The following RAI1 variants were observed in gnomAD, a reference collection of about 807,000 sequenced individuals.
RAI1 encodes retinoic acid induced 1.
In RAI1, 9 loss-of-function variants were observed where a neutral mutation model predicts 123.8. That is an observed-to-expected ratio of 0.07 (90% CI 0.04 to 0.13). The LOEUF is 0.13. Ranked by LOEUF, RAI1 falls within the 10% of genes least tolerant of loss-of-function variation. The pLI is 1.00. For synonymous variants in RAI1, 1,231 were observed against 1,127.3 expected (o/e 1.09, Z -1.84); for missense variants, 2,256 against 2,545.8 (o/e 0.89, Z 2.45).
chr17:17,708,625 T>C lies in RAI1; in HGVS notation c.-148-15403T>C, dbSNP rs1915467244. Among the ~76,000 whole-genome samples the C allele has an allele frequency of 1.3e-5, 2 of 152,126 alleles. 1 individual carries two copies. The highest frequency in any genetic ancestry group is 4.1e-4 in the South Asian group (2 of 4,828). On this transcript the variant is annotated intron_variant, in intron 1 of 5. Coordinates refer to ENST00000353383, the MANE Select transcript of RAI1 (RefSeq NM_030665.4). ...TCTTAGGGGTCCCCTGGGTTGCATCTTGACTCAGTGAGTGAGTGGGTTACT... is the reference window on the plus strand; with the variant it reads ...TCTTAGGGGTCCCCTGGGTTGCATCCTGACTCAGTGAGTGAGTGGGTTACT...
At chr17:17,779,093 AAGAG>A in intron 2 of RAI1, 1 of 353,694 alleles carries the variant, frequency 2.8e-6, no homozygotes, top group Non-Finnish European at 5.6e-6. Context: ...GGCTGTTCCA[AAGAG>A]AGAGAAATCA....
At chr17:17,726,459 C>T (rs1002282967) in intron 2 of RAI1, among the ~76,000 whole-genome samples, 4 of 152,242 alleles carry the variant, frequency 2.6e-5, no homozygotes, top group Non-Finnish European at 5.9e-5. Flanking sequence ...TATGGCACAA[C>T]CCCCTTATTT....
rs571248711 is a variant in RAI1, at chr17:17,730,966, C to T, written c.-17+6807C>T. On this transcript the variant is annotated intron_variant, in intron 2 of 5. Coordinates refer to ENST00000353383, the MANE Select transcript of RAI1 (RefSeq NM_030665.4). ...CCTTGGGCTAGAGTCCCTGAGTGGC[C>T]GAGAGAGAGCCCTTTCTAGGAAGCA... 1.6e-4 allele frequency among the ~76,000 whole-genome samples: 25 copies of T among 152,280 alleles called. 1 individual carries two copies. The South Asian group carries it at 2.9e-3, about 18-fold the overall frequency.
chr17:17,702,261 G>T (rs1915247292), intron 1 of RAI1, among the ~76,000 whole-genome samples: 1 of 152,196 alleles, frequency 6.6e-6, no homozygotes, highest in African/African-American at 2.4e-5. Context: ...GTCCTCTGTT[G>T]CCTAGCAACC....
rs1313576382 is a variant in RAI1 at position 17,811,194 on chromosome 17, A to G, written c.*1213A>G. 1 of 326,848 alleles carries G rather than the reference A, an allele frequency of 3.1e-6. No individual in the cohort carries two copies. The highest frequency in any genetic ancestry group is 9.2e-5 in the East Asian group (1 of 10,908). 20.2% of individuals were successfully genotyped at this position (326,848 alleles called of 1,614,324 possible). A position where few individuals can be genotyped will look rare whatever the true frequency, so the allele number is the denominator to read the frequency against. ...CAACTTCCTGTACATATGACTGTAA[A>G]ATGGTAAACGTGTGTATTATATCTG... is the stretch of plus-strand genomic sequence containing the variant. On this transcript the variant is annotated 3_prime_UTR_variant, in exon 6 of 6. Transcript: ENST00000353383.
intron 1 of RAI1, among the ~76,000 whole-genome samples, chr17:17,699,882 G>A (rs1374793614): frequency 6.6e-6 from 1 of 152,032 alleles, no homozygotes; most frequent in African/African-American, 2.4e-5. Flanking sequence ...TCCTAGTTAT[G>A]AGCCCAGCCT....
intron 1 of RAI1, among the ~76,000 whole-genome samples, chr17:17,702,219 T>C (rs1326439919): frequency 1.3e-5 from 2 of 152,138 alleles, no homozygotes; most frequent in South Asian, 2.1e-4. Context: ...CTCCAAAGTG[T>C]GGAGGCATGA....
intron 4 of RAI1, among the ~76,000 whole-genome samples, chr17:17,804,435 C>T (rs575126539): frequency 5.3e-5 from 8 of 152,306 alleles, no homozygotes; most frequent in African/African-American, 1.7e-4. Flanking sequence ...TTGTTGAGCC[C>T]CTACCATCAC....
intron 2 of RAI1, among the ~76,000 whole-genome samples, chr17:17,736,339 T>A (rs1916432610): frequency 6.6e-6 from 1 of 152,184 alleles, no homozygotes. Context: ...TGACCATTCA[T>A]GCTCTCCCTC....
In RAI1 at chr17:17,709,787, C is replaced by T. The variant is rs184339879; in HGVS notation, c.-148-14241C>T. ...CCTTAAGGGGCCCCCAGATCAGCTC[C>T]GTGCGGGCCTGGGGTGCAGCTTCCA... is the stretch of plus-strand genomic sequence containing the variant. On this transcript the variant is annotated intron_variant, in intron 1 of 5. Transcript: ENST00000353383. Among the ~76,000 whole-genome samples the T allele has an allele frequency of 2.0e-3, 301 of 152,300 alleles. 2 individuals carry two copies. Among genetic ancestry groups the T allele is most frequent in the Non-Finnish European group, 3.4e-3 (230 of 68,018 alleles).
intron 2 of RAI1, among the ~76,000 whole-genome samples, chr17:17,728,873 G>T (rs1916178864): frequency 6.6e-6 from 1 of 152,172 alleles, no homozygotes; most frequent in Admixed American, 6.5e-5. Context: ...GCTGCCCCCA[G>T]ATTCCCACCA....
chr17:17,759,857 A>G (rs1598059417), intron 2 of RAI1, among the ~76,000 whole-genome samples: 2 of 152,230 alleles, frequency 1.3e-5, no homozygotes, highest in South Asian at 4.1e-4. Flanking sequence ...CAAGTTGGAC[A>G]GAGCCCACTA....
At chr17:17,745,911 G>T (rs568708626) in intron 2 of RAI1, among the ~76,000 whole-genome samples, 47 of 152,286 alleles carry the variant, frequency 3.1e-4, no homozygotes, top group African/African-American at 1.1e-3. Flanking sequence ...GGTGGGTGCT[G>T]CCCTGGGCCA....
intron 2 of RAI1, among the ~76,000 whole-genome samples, chr17:17,774,077 C>T (rs1402962716): frequency 6.6e-6 from 1 of 152,204 alleles, no homozygotes; most frequent in Non-Finnish European, 1.5e-5. Context: ...TGTGCCTCTG[C>T]TGCCTCCTCT....
intron 2 of RAI1, among the ~76,000 whole-genome samples, chr17:17,788,951 C>G (rs2031923773): frequency 2.0e-5 from 3 of 152,222 alleles, no homozygotes; most frequent in Non-Finnish European, 1.5e-5. Context: ...GCCTTGGTGA[C>G]AGTGGGTGGC....
chr17:17,690,312 G>A (rs1914792544), intron 1 of RAI1, among the ~76,000 whole-genome samples: 1 of 151,528 alleles, frequency 6.6e-6, no homozygotes, highest in Non-Finnish European at 1.5e-5. Flanking sequence ...GCCTGAACCT[G>A]GGAGGCAGAG....
chr17:17,803,085 C>CAAAAAA, intron 3 of RAI1, among the ~76,000 whole-genome samples: 1 of 55,962 alleles, frequency 1.8e-5, no homozygotes, highest in Non-Finnish European at 3.8e-5. Context: ...AATTCTGTCT[C>CAAAAAA]AAAAAAAAAA....
intron 2 of RAI1, among the ~76,000 whole-genome samples, chr17:17,741,257 G>A (rs1392187165): frequency 6.6e-6 from 1 of 152,170 alleles, no homozygotes; most frequent in East Asian, 1.9e-4. Flanking sequence ...AAAAAAGAGA[G>A]AGAAAGGAAA....
chr17:17,789,590 T>C (rs1226606614), intron 2 of RAI1, among the ~76,000 whole-genome samples: 2 of 152,190 alleles, frequency 1.3e-5, no homozygotes, highest in Non-Finnish European at 2.9e-5. Flanking sequence ...CCTGATGCCC[T>C]GGGTGCTATG....
Sources: allele counts gnomAD v4.1 joint callset (sites outside exome capture counted in the v4.1 genomes callset), GRCh38; gene constraint gnomAD v4.1.1; transcripts MANE v1.5; gene names NCBI Gene and HGNC (gene_info 2026-07-23, HGNC 2026-07-21).